The following DLG1 variants were observed in gnomAD, a reference collection of about 807,000 sequenced individuals.
The protein encoded by DLG1 is disks large homolog 1.
A neutral mutation model predicts 123.4 loss-of-function variants in DLG1; 42 were observed. The observed-to-expected ratio is 0.34, with a 90% CI of 0.27 to 0.44. DLG1 has a LOEUF of 0.44. DLG1 is among the 20% of genes least tolerant of loss of function. The pLI, the probability that DLG1 is intolerant of heterozygous loss-of-function variation, is 1.00. For missense variants in DLG1, 942 were observed against 1,082.6 expected, an observed-to-expected ratio of 0.87 and a Z score of 1.82; for synonymous variants, 317 against 356.2, an observed-to-expected ratio of 0.89 and a Z score of 1.24.
At position 197,204,943 on chromosome 3, in the gene DLG1, C is replaced by T. The variant is rs113934547; in HGVS notation, c.319-10354G>A. Among the ~76,000 whole-genome samples, 1,474 of 152,126 alleles carry T rather than the reference C, an allele frequency of 9.7e-3. 22 individuals are homozygous for T. Among genetic ancestry groups the T allele is most frequent in the African/African-American group, 0.033 (1,377 of 41,500 alleles). ...CCCCGAAACCACTGACAGCAATCGC[C>T]AAAAGGTTAAGGGCCAAGAAGAACA... On this transcript the variant is annotated intron_variant, in intron 4 of 24. Coordinates refer to ENST00000667157, the MANE Select transcript of DLG1 (RefSeq NM_001366207.1).
intron 4 of DLG1, among the ~76,000 whole-genome samples, chr3:197,242,261 A>T (rs73210559): frequency 0.14 from 21,175 of 152,072 alleles, 1,536 homozygotes; most frequent in African/African-American, 0.16. Context: ...ACAATTATAA[A>T]TATTCACCCA....
Position 197,277,394 on chromosome 3 carries a change from G to A in DLG1, c.318+5285C>T, listed in dbSNP as rs181635405. Among the ~76,000 whole-genome samples, 628 of 151,652 alleles carry A rather than the reference G, an allele frequency of 4.1e-3. 3 individuals are homozygous for A. Among genetic ancestry groups the A allele is most frequent in the Non-Finnish European group, 5.1e-3 (345 of 67,926 alleles). On this transcript the variant is annotated intron_variant, in intron 4 of 24. Coordinates refer to ENST00000667157, the MANE Select transcript of DLG1 (RefSeq NM_001366207.1). Reference sequence around the variant, plus strand: ...CACCCAGGCTGGAGTGCAGTGGTACGATCTTGCCTTCCTGGGTTCTTTGGC... The same window carrying A: ...CACCCAGGCTGGAGTGCAGTGGTACAATCTTGCCTTCCTGGGTTCTTTGGC...
chr3:197,165,030 A>C (rs544571167), intron 5 of DLG1, among the ~76,000 whole-genome samples: 1 of 152,244 alleles, frequency 6.6e-6, no homozygotes, highest in African/African-American at 2.4e-5. Flanking sequence ...GCTTATGACA[A>C]AACATTAAGT....
chr3:197,292,570 T>C (rs1468412453), intron 3 of DLG1, among the ~76,000 whole-genome samples: 1 of 152,204 alleles, frequency 6.6e-6, no homozygotes, highest in East Asian at 1.9e-4. Context: ...GAACTGTACA[T>C]TTAAAGATGG....
intron 11 of DLG1, among the ~76,000 whole-genome samples, chr3:197,127,457 AATATATATAT>A (rs1553936527): frequency 0.023 from 487 of 20,790 alleles, 14 homozygotes; most frequent in Admixed American, 0.084. Flanking sequence ...AAAAAAAAAA[AATATATATAT>A]ATATATATAT....
intron 22 of DLG1, among the ~76,000 whole-genome samples, chr3:197,064,098 T>C (rs1166865560): frequency 6.6e-6 from 1 of 151,876 alleles, no homozygotes; most frequent in Non-Finnish European, 1.5e-5. Context: ...TTTTGTATTT[T>C]TGGTAGAGAT....
intron 5 of DLG1, among the ~76,000 whole-genome samples, chr3:197,160,349 A>C (rs2149878971): frequency 6.7e-6 from 1 of 148,888 alleles, no homozygotes; most frequent in African/African-American, 2.4e-5. Flanking sequence ...AGAAGAGTAA[A>C]ATAAACTTTC....
intron 5 of DLG1, among the ~76,000 whole-genome samples, chr3:197,170,953 G>T (rs1188309612): frequency 6.6e-6 from 1 of 152,120 alleles, no homozygotes; most frequent in Admixed American, 6.5e-5. Flanking sequence ...ATATGAATTA[G>T]CAAATCTTTT....
chr3:197,280,402 T>C (rs1479143911), intron 4 of DLG1, among the ~76,000 whole-genome samples: 3 of 152,160 alleles, frequency 2.0e-5, no homozygotes, highest in Non-Finnish European at 1.5e-5. Context: ...TTGATAGATA[T>C]TTAGATTGAT....
At chr3:197,119,343 C>T (rs1775033997) in intron 12 of DLG1, 67 bp downstream of exon 12, 3 of 1,408,822 alleles carry the variant, frequency 2.1e-6, no homozygotes, top group African/African-American at 1.4e-5. Context: ...GGCTATCTTA[C>T]ATGGCTGATT....
intron 5 of DLG1, among the ~76,000 whole-genome samples, chr3:197,173,026 T>C (rs115451570): frequency 6.6e-6 from 1 of 152,290 alleles, no homozygotes; most frequent in African/African-American, 2.4e-5. Context: ...AGGTAGCTAC[T>C]TCTGTAAGTT....
intron 23 of DLG1, among the ~76,000 whole-genome samples, chr3:197,056,692 G>A (rs1252933088): frequency 1.3e-5 from 2 of 152,012 alleles, no homozygotes; most frequent in East Asian, 1.9e-4. Context: ...AAACACAGAT[G>A]AGCAATATTA....
At chr3:197,109,807 T>C (rs919711984) in intron 13 of DLG1, among the ~76,000 whole-genome samples, 17 of 152,222 alleles carry the variant, frequency 1.1e-4, no homozygotes, top group Non-Finnish European at 2.5e-4. Context: ...TTTCAGAATT[T>C]TGAATTTGTT....
At chr3:197,185,313 A>G (rs1715213630) in intron 5 of DLG1, among the ~76,000 whole-genome samples, 1 of 152,098 alleles carries the variant, frequency 6.6e-6, no homozygotes, top group Admixed American at 6.6e-5. Context: ...GCAAATCTTG[A>G]CTCCGCAAGA....
intron 18 of DLG1, chr3:197,075,773 T>C (rs766518771): frequency 1.3e-5 from 18 of 1,421,600 alleles, no homozygotes; most frequent in Admixed American, 3.6e-5. Context: ...TCAAAATGTA[T>C]CTGAATAAGG....
chr3:197,110,088 T>C (rs1318450532), intron 13 of DLG1, among the ~76,000 whole-genome samples: 1 of 151,874 alleles, frequency 6.6e-6, no homozygotes, highest in Non-Finnish European at 1.5e-5. Context: ...TTCTTTTTTC[T>C]CTCTTTCCCA....
chr3:197,202,845 ATTACT>A (rs1726513045), intron 4 of DLG1, among the ~76,000 whole-genome samples: 2 of 152,332 alleles, frequency 1.3e-5, no homozygotes, highest in South Asian at 4.1e-4. Context: ...ATCTGGGAAA[ATTACT>A]TTAAATAAGT....
chr3:197,218,168 G>A (rs1041307792), intron 4 of DLG1, among the ~76,000 whole-genome samples: 14 of 152,194 alleles, frequency 9.2e-5, no homozygotes, highest in Admixed American at 9.2e-4. Flanking sequence ...GCTAAGAGAA[G>A]TGTTCGAGGC....
At chr3:197,177,976 C>T (rs762672835) in intron 5 of DLG1, among the ~76,000 whole-genome samples, 2 of 152,160 alleles carry the variant, frequency 1.3e-5, no homozygotes, top group East Asian at 1.9e-4. Flanking sequence ...CCTGTCTCTT[C>T]ACTCATTCAA....
Sources: gnomAD v4.1 joint callset for allele counts (sites outside exome capture counted in the v4.1 genomes callset) on GRCh38, gnomAD v4.1.1 for gene constraint, MANE v1.5 for transcripts, NCBI Gene and HGNC (gene_info 2026-07-23, HGNC 2026-07-21) for gene names.